SLC44A5: variants seen among roughly 807,000 people sequenced by gnomAD.
The protein encoded by SLC44A5 is solute carrier family 44 member 5.
Under a neutral mutation model 101.8 loss-of-function variants are expected in SLC44A5, and 57 were observed. The observed-to-expected ratio is 0.56, with a 90% CI of 0.45 to 0.70. SLC44A5 has a LOEUF of 0.70. Among genes scored for constraint, SLC44A5 ranks in the 30% least tolerant of loss-of-function variants. The pLI is 0.00. For synonymous variants in SLC44A5, 281 were observed against 290.9 expected, an observed-to-expected ratio of 0.97 and a Z score of 0.35; for missense variants, 737 against 853.1, an observed-to-expected ratio of 0.86 and a Z score of 1.70.
intron 2 of SLC44A5, among the ~76,000 whole-genome samples, chr1:75,495,836 T>C (rs1668645372): frequency 6.6e-6 from 1 of 152,166 alleles, no homozygotes; most frequent in Non-Finnish European, 1.5e-5. Flanking sequence ...ATAGGATGTG[T>C]ATATACTTAA....
the SLC44A5 span, among the ~76,000 whole-genome samples, chr1:75,676,179 A>G: frequency 6.6e-6 from 1 of 152,376 alleles, no homozygotes; most frequent in East Asian, 1.9e-4. Flanking sequence ...CGTTTGATGC[A>G]GCAATCCCAT....
intron 10 of SLC44A5, among the ~76,000 whole-genome samples, chr1:75,237,378 T>C (rs958787624): frequency 6.6e-6 from 1 of 152,124 alleles, no homozygotes; most frequent in African/African-American, 2.4e-5. Context: ...ATTTAAATGA[T>C]AAGATTAGCT....
At chr1:75,718,856 T>C in the SLC44A5 span, among the ~76,000 whole-genome samples, 122 of 152,350 alleles carry the variant, frequency 8.0e-4, no homozygotes, top group African/African-American at 2.8e-3. Context: ...TAACTTATAA[T>C]GATTAAGTGT....
chr1:75,583,892 C>T lies in SLC44A5; in HGVS notation c.-70+27148G>A, dbSNP rs117298896. 3.9e-5 allele frequency among the ~76,000 whole-genome samples: 6 copies of T among 152,306 alleles called. No homozygotes were observed. The East Asian group carries it at 1.2e-3, about 29-fold the overall frequency. On this transcript the variant is annotated intron_variant, in intron 1 of 23. Transcript: ENST00000370859. ...AAGTCTGAATAGGCCAAAGGCAGATCACAGACCAGTTGGTGGTCCGGCCAA... is the reference window on the plus strand; with the variant it reads ...AAGTCTGAATAGGCCAAAGGCAGATTACAGACCAGTTGGTGGTCCGGCCAA...
At chr1:75,260,335 T>C (rs948705071) in intron 6 of SLC44A5, among the ~76,000 whole-genome samples, 1 of 152,122 alleles carries the variant, frequency 6.6e-6, no homozygotes, top group African/African-American at 2.4e-5. Flanking sequence ...GAGGAATATT[T>C]ACTAAGCAAA....
chr1:75,408,958 T>C (rs975968991), intron 2 of SLC44A5, among the ~76,000 whole-genome samples: 1 of 152,144 alleles, frequency 6.6e-6, no homozygotes, highest in African/African-American at 2.4e-5. Flanking sequence ...GATGGTGCTA[T>C]ATGAAAATAA....
intron 3 of SLC44A5, among the ~76,000 whole-genome samples, chr1:75,373,029 G>A (rs577181567): frequency 2.8e-4 from 42 of 152,162 alleles, no homozygotes; most frequent in African/African-American, 7.0e-4. Context: ...ATTGATGATC[G>A]TATAAATCTG....
intron 2 of SLC44A5, among the ~76,000 whole-genome samples, chr1:75,441,522 A>T (rs1413575882): frequency 6.6e-6 from 1 of 152,052 alleles, no homozygotes; most frequent in Non-Finnish European, 1.5e-5. Flanking sequence ...GAGAGGCCAA[A>T]GGTGAAAAAA....
At chr1:75,463,133 A>G (rs1666597145) in intron 2 of SLC44A5, among the ~76,000 whole-genome samples, 1 of 152,202 alleles carries the variant, frequency 6.6e-6, no homozygotes, top group Admixed American at 6.5e-5. Context: ...TAATAAAAAA[A>G]GATCCTGGCT....
intron 2 of SLC44A5, among the ~76,000 whole-genome samples, chr1:75,523,552 C>T (rs1405925996): frequency 2.0e-5 from 3 of 151,952 alleles, no homozygotes; most frequent in African/African-American, 7.3e-5. Context: ...GAACTCCTGA[C>T]CTCAGTTGAT....
At chr1:75,627,185 T>G in the SLC44A5 span, among the ~76,000 whole-genome samples, 2 of 152,178 alleles carry the variant, frequency 1.3e-5, no homozygotes, top group African/African-American at 4.8e-5. Flanking sequence ...TTATTTCATT[T>G]ACATTATATC....
chr1:75,602,492 C>A (rs1341984238), intron 1 of SLC44A5, among the ~76,000 whole-genome samples: 1 of 152,076 alleles, frequency 6.6e-6, no homozygotes, highest in Non-Finnish European at 1.5e-5. Context: ...TAATTTCAAG[C>A]CTATCATACC....
chr1:75,211,325 GC>G, intron 23 of SLC44A5, 142 bp downstream of exon 23: 1 of 576,514 alleles, frequency 1.7e-6, no homozygotes, highest in Middle Eastern at 2.7e-4. Flanking sequence ...CATCTACTAA[GC>G]AATATCTCTT....
chr1:75,696,153 T>C, the SLC44A5 span, among the ~76,000 whole-genome samples: 2 of 152,190 alleles, frequency 1.3e-5, no homozygotes, highest in African/African-American at 2.4e-5. Context: ...CTGATTTACA[T>C]ATTCTCACTC....
chr1:75,635,970 A>T, the SLC44A5 span, among the ~76,000 whole-genome samples: 37,580 of 151,842 alleles, frequency 0.25, 5,091 homozygotes, highest in Middle Eastern at 0.37. Context: ...ACATTCATAG[A>T]TCGTGTAATT....
At chr1:75,210,000 T>A (rs1484250896) in intron 23 of SLC44A5, among the ~76,000 whole-genome samples, 1 of 152,080 alleles carries the variant, frequency 6.6e-6, no homozygotes, top group Non-Finnish European at 1.5e-5. Flanking sequence ...TTCTGCTAGG[T>A]ACTAGGTTCT....
intron 3 of SLC44A5, among the ~76,000 whole-genome samples, chr1:75,363,643 C>T (rs908521235): frequency 1.8e-4 from 28 of 151,976 alleles, no homozygotes; most frequent in Non-Finnish European, 3.4e-4. Context: ...ATTTATTGTA[C>T]CTGTAGTTGT....
the SLC44A5 span, among the ~76,000 whole-genome samples, chr1:75,627,547 G>T: frequency 6.6e-6 from 1 of 151,898 alleles, no homozygotes; most frequent in East Asian, 1.9e-4. Flanking sequence ...TCCAGGCACG[G>T]TGGCACACAC....
chr1:75,263,784 G>C (rs1161577564), intron 6 of SLC44A5, among the ~76,000 whole-genome samples: 2 of 152,118 alleles, frequency 1.3e-5, no homozygotes, highest in Admixed American at 6.5e-5. Context: ...TATACACCAT[G>C]GACTACTATG....
Sources: gnomAD v4.1 joint callset for allele counts (sites outside exome capture counted in the v4.1 genomes callset) on GRCh38, gnomAD v4.1.1 for gene constraint, MANE v1.5 for transcripts, NCBI Gene and HGNC (gene_info 2026-07-23, HGNC 2026-07-21) for gene names.